The following RHOT1 variants were observed in gnomAD, a reference collection of about 807,000 sequenced individuals.
The protein encoded by RHOT1 is mitochondrial Rho GTPase 1.
Under a neutral mutation model 95.3 loss-of-function variants are expected in RHOT1, and 27 were observed. The observed-to-expected ratio is 0.28, with a 90% CI of 0.21 to 0.39. RHOT1 has a LOEUF of 0.39. RHOT1 is among the 10% of genes least tolerant of loss of function. The probability of loss-of-function intolerance (pLI) is 1.00; values close to 1 mark genes in which losing one functional copy is unlikely to be tolerated. For synonymous variants in RHOT1, 227 were observed against 263.5 expected, an observed-to-expected ratio of 0.86 and a Z score of 1.34; for missense variants, 578 against 786.7, an observed-to-expected ratio of 0.73 and a Z score of 3.17.
At chr17:32,162,296 T>C (rs1333117808) in intron 1 of RHOT1, among the ~76,000 whole-genome samples, 1 of 152,130 alleles carries the variant, frequency 6.6e-6, no homozygotes, top group Non-Finnish European at 1.5e-5. Context: ...TAAAAGACAC[T>C]CCTATCATAT....
At chr17:32,175,878 G>A (rs1283050496) in intron 4 of RHOT1, 84 bp from the exon 5 acceptor site, 4 of 872,924 alleles carry the variant, frequency 4.6e-6, no homozygotes, top group South Asian at 2.3e-5. Context: ...CCTTTCACCC[G>A]AATATATTAA....
At chr17:32,217,793 T>G (rs1015365872) in intron 19 of RHOT1, among the ~76,000 whole-genome samples, 1 of 151,428 alleles carries the variant, frequency 6.6e-6, no homozygotes, top group Non-Finnish European at 1.5e-5. Context: ...TTCACCAGAT[T>G]GAAACATTTG....
chr17:32,194,126 T>TTTG lies in RHOT1; in HGVS notation c.869+34_869+36dup, dbSNP rs113778915. 706 of 1,608,594 alleles carry TTTG rather than the reference T, an allele frequency of 4.4e-4. 3 individuals are homozygous for TTTG. In the African/African-American group the frequency reaches 7.4e-3, roughly 17 times the overall value. On this transcript the variant is annotated intron_variant, in intron 11 of 19. Coordinates refer to ENST00000545287, the MANE Select transcript of RHOT1 (RefSeq NM_001033566.3). ...TCCCCCTGTATGTACCTTTGTTTTT[T>TTTG]TTGTTGTTGTTGTTGTTTAATTTTT...
chr17:32,150,583 C>T, intron 1 of RHOT1: 1 of 1,586,148 alleles, frequency 6.3e-7, no homozygotes. Flanking sequence ...GAGAGAGGAA[C>T]CCTGTCCTCC....
intron 8 of RHOT1, among the ~76,000 whole-genome samples, chr17:32,183,553 A>G (rs1484419035): frequency 1.3e-5 from 2 of 152,222 alleles, no homozygotes; most frequent in Non-Finnish European, 2.9e-5. Flanking sequence ...TCCTCCAAAG[A>G]CTTAGCTAAT....
intron 2 of RHOT1, among the ~76,000 whole-genome samples, chr17:32,172,285 A>G (rs182852402): frequency 2.0e-5 from 3 of 152,206 alleles, no homozygotes; most frequent in African/African-American, 7.2e-5. Context: ...TTAAGAAATG[A>G]AGTATATTTT....
At chr17:32,183,318 C>A in intron 8 of RHOT1, 46 bp downstream of exon 8, 1 of 1,089,090 alleles carries the variant, frequency 9.2e-7, no homozygotes, top group South Asian at 2.9e-5. Context: ...TGTAGTAACT[C>A]TAGTATGGTA....
At chr17:32,149,599 A>C (rs1179620430) in intron 1 of RHOT1, among the ~76,000 whole-genome samples, 5 of 60,400 alleles carry the variant, frequency 8.3e-5, no homozygotes, top group African/African-American at 6.1e-4. Flanking sequence ...TTCTATATAT[A>C]TATATATATA....
chr17:32,151,664 C>T (rs530093847), intron 1 of RHOT1, among the ~76,000 whole-genome samples: 2 of 151,930 alleles, frequency 1.3e-5, no homozygotes, highest in East Asian at 1.9e-4. Context: ...GGGCAGATCA[C>T]GAGGTCAGGA....
At chr17:32,185,885 T>A (rs28811885) in intron 8 of RHOT1, among the ~76,000 whole-genome samples, 27,408 of 151,774 alleles carry the variant, frequency 0.18, 2,569 homozygotes, top group South Asian at 0.26. Flanking sequence ...CGTGCCCAGC[T>A]AATTTTTAAA....
At chr17:32,218,257 G>A (rs2038608147) in intron 19 of RHOT1, among the ~76,000 whole-genome samples, 1 of 152,158 alleles carries the variant, frequency 6.6e-6, no homozygotes, top group Non-Finnish European at 1.5e-5. Context: ...GGGAGGCAGA[G>A]GCAGGAGGAT....
chr17:32,192,315 T>G lies in RHOT1; in HGVS notation c.639+16T>G. ...CTTCTTTCAGGTAATGGTCCTTTAT[T>G]TCAGACATTTGCGTATCTTTTTTTT... On this transcript the variant is annotated intron_variant, in intron 9 of 19. Transcript: ENST00000545287. 1 of 1,366,616 alleles carries G rather than the reference T, an allele frequency of 7.3e-7. No individual in the cohort carries two copies. Among genetic ancestry groups the G allele is most frequent in the Non-Finnish European group, 1.0e-6 (1 of 979,480 alleles). 84.7% of individuals were successfully genotyped at this position (1,366,616 alleles called of 1,614,324 possible). A position where few individuals can be genotyped will look rare whatever the true frequency, so the allele number is the denominator to read the frequency against.
Position 32,149,591 on chromosome 17 carries a change from CTATATATATATATATATATATA to C in RHOT1, c.37+6886_37+6907del, listed in dbSNP as rs1162059092. ...GGTGAATCACTTGAGCCCAGCAGTTCTATATATATATATATATATATATATATATATATATATATATATATGT... is the reference window on the plus strand; with the variant it reads ...GGTGAATCACTTGAGCCCAGCAGTTCTATATATATATATATATATATATGT... On this transcript the variant is annotated intron_variant, in intron 1 of 19. Coordinates refer to ENST00000545287, the MANE Select transcript of RHOT1 (RefSeq NM_001033566.3). 2.6e-3 allele frequency among the ~76,000 whole-genome samples: 135 copies of C among 52,694 alleles called. 3 individuals are homozygous for C. The highest frequency in any genetic ancestry group is 0.017 in the South Asian group (14 of 816). 34.6% of individuals were successfully genotyped at this position (52,694 alleles called of 152,430 possible).
At chr17:32,220,991 CT>C (rs1381396749) in intron 19 of RHOT1, 1 of 782,530 alleles carries the variant, frequency 1.3e-6, no homozygotes, top group East Asian at 1.3e-4. Context: ...ATAAGTTATT[CT>C]AAGATGATAT....
chr17:32,145,239 G>A (rs1454869542), intron 1 of RHOT1, among the ~76,000 whole-genome samples: 4 of 152,226 alleles, frequency 2.6e-5, no homozygotes, highest in East Asian at 3.9e-4. Context: ...GATGGAGGTC[G>A]CAGTGAGCTG....
chr17:32,150,499 T>G, intron 1 of RHOT1: 1 of 1,278,494 alleles, frequency 7.8e-7, no homozygotes, highest in Non-Finnish European at 1.1e-6. Flanking sequence ...ACTGTAGTCT[T>G]TAAAGCCTTG....
intron 16 of RHOT1, among the ~76,000 whole-genome samples, chr17:32,204,321 C>T (rs1050627164): frequency 2.0e-5 from 3 of 151,874 alleles, no homozygotes; most frequent in Non-Finnish European, 2.9e-5. Flanking sequence ...GAGGCCAAGG[C>T]GGGCGGATCA....
At chr17:32,207,285 T>C (rs989789607) in intron 17 of RHOT1, 2 of 340,076 alleles carry the variant, frequency 5.9e-6, no homozygotes, top group Non-Finnish European at 1.1e-5. Context: ...TAATGCAAGC[T>C]CTTCCCAGCT....
chr17:32,221,952 A>G lies in RHOT1; in HGVS notation c.1863-2664A>G, dbSNP rs115612477. 2.1e-3 allele frequency among the ~76,000 whole-genome samples: 325 copies of G among 152,292 alleles called. 1 individual carries two copies. Among genetic ancestry groups the G allele is most frequent in the Middle Eastern group, 6.8e-3 (2 of 294 alleles). ...TTCATCTCTATCAACAAACAAACAA[A>G]CAAGAAACCACATATCTGTGAAACA... On this transcript the variant is annotated intron_variant, in intron 19 of 19. Transcript: ENST00000545287.
Sources: allele counts gnomAD v4.1 joint callset (sites outside exome capture counted in the v4.1 genomes callset), GRCh38; gene constraint gnomAD v4.1.1; transcripts MANE v1.5; gene names NCBI Gene and HGNC (gene_info 2026-07-23, HGNC 2026-07-21).